The following SPMIP7 variants were observed in gnomAD, a reference collection of about 807,000 sequenced individuals.
The protein encoded by SPMIP7 is sperm microtubule inner protein 7, also known as protein SPMIP7.
At chr7:50,096,295 T>TC in the SPMIP7 span, 4 of 1,551,760 alleles carry the variant, frequency 2.6e-6, no homozygotes, top group African/African-American at 2.7e-5. Flanking sequence ...TTCACCCTTA[T>TC]CCCCCTTCAG....
the SPMIP7 span, among the ~76,000 whole-genome samples, chr7:50,148,623 C>T: frequency 6.6e-6 from 1 of 152,218 alleles, no homozygotes; most frequent in African/African-American, 2.4e-5. Context: ...TTGCCTCATT[C>T]TGGGTTACCT....
chr7:50,151,943 ACATACAT>A, the SPMIP7 span, among the ~76,000 whole-genome samples: 1 of 152,228 alleles, frequency 6.6e-6, no homozygotes, highest in South Asian at 2.1e-4. Flanking sequence ...GACACATGGA[ACATACAT>A]CAGATACATA....
At chr7:50,154,156 C>T in the SPMIP7 span, among the ~76,000 whole-genome samples, 1 of 152,180 alleles carries the variant, frequency 6.6e-6, no homozygotes, top group Non-Finnish European at 1.5e-5. Context: ...ATTATGATGA[C>T]ATATGGGTAT....
the SPMIP7 span, chr7:50,141,300 A>G: frequency 6.4e-7 from 1 of 1,551,390 alleles, no homozygotes; most frequent in Non-Finnish European, 8.7e-7. Context: ...GCAGTCTACA[A>G]ATGCTGATGA....
At chr7:50,151,164 G>A in the SPMIP7 span, among the ~76,000 whole-genome samples, 1 of 152,194 alleles carries the variant, frequency 6.6e-6, no homozygotes, top group African/African-American at 2.4e-5. Flanking sequence ...AGTGAGTCAT[G>A]TTTGTAAAAG....
chr7:50,141,727 CT>C, the SPMIP7 span: 283 of 76,942 alleles, frequency 3.7e-3, 5 homozygotes, highest in South Asian at 0.035. Flanking sequence ...AGAGGAATCA[CT>C]TTTTTTTTTT....
chr7:50,128,861 C>T, the SPMIP7 span, among the ~76,000 whole-genome samples: 44 of 151,968 alleles, frequency 2.9e-4, no homozygotes, highest in African/African-American at 1.1e-3. Flanking sequence ...GCCAGATAAA[C>T]AAAAATATAG....
At chr7:50,098,951 C>A in the SPMIP7 span, among the ~76,000 whole-genome samples, 1 of 152,136 alleles carries the variant, frequency 6.6e-6, no homozygotes, top group South Asian at 2.1e-4. Context: ...CTTCATCTTG[C>A]AAAACTGAAA....
chr7:50,125,105 TATATATATATAC>T, the SPMIP7 span, among the ~76,000 whole-genome samples: 1 of 87,336 alleles, frequency 1.1e-5, no homozygotes, highest in Non-Finnish European at 2.1e-5. Context: ...TATATATATA[TATATATATATAC>T]ACACACACAC....
At chr7:50,126,507 GGGAGTACTTCTCAAACAATTTTA>G in the SPMIP7 span, among the ~76,000 whole-genome samples, 1 of 151,468 alleles carries the variant, frequency 6.6e-6, no homozygotes, top group South Asian at 2.1e-4. Flanking sequence ...AAATAAAAGA[GGGAGTACTTCTCAAACAATTTTA>G]GGAGTCTAAC....
At chr7:50,152,843 C>T in the SPMIP7 span, among the ~76,000 whole-genome samples, 41 of 152,074 alleles carry the variant, frequency 2.7e-4, no homozygotes, top group African/African-American at 4.6e-4. Context: ...TGCACTATCA[C>T]GCCCAGCTAA....
the SPMIP7 span, among the ~76,000 whole-genome samples, chr7:50,145,901 G>A: frequency 2.6e-5 from 4 of 151,590 alleles, no homozygotes; most frequent in South Asian, 2.1e-4. Flanking sequence ...ATCTAAGGAC[G>A]TTACAAGGTT....
chr7:50,130,955 C>G, the SPMIP7 span, among the ~76,000 whole-genome samples: 1 of 152,118 alleles, frequency 6.6e-6, no homozygotes. Flanking sequence ...GGAACCAGAT[C>G]TTGTGGGACA....
At chr7:50,105,421 T>C in the SPMIP7 span, among the ~76,000 whole-genome samples, 1 of 152,202 alleles carries the variant, frequency 6.6e-6, no homozygotes. Flanking sequence ...ATATTTCTTC[T>C]AAAGTTGATC....
At chr7:50,103,105 C>G in the SPMIP7 span, among the ~76,000 whole-genome samples, 5 of 149,706 alleles carry the variant, frequency 3.3e-5, no homozygotes, top group Non-Finnish European at 7.4e-5. Context: ...TGTGATAGAG[C>G]TGCACCAGGG....
At chr7:50,128,013 C>A in the SPMIP7 span, among the ~76,000 whole-genome samples, 2 of 151,976 alleles carry the variant, frequency 1.3e-5, no homozygotes, top group Non-Finnish European at 2.9e-5. Context: ...TATCTGCATT[C>A]CCATGTTTAT....
chr7:50,110,390 A>G, the SPMIP7 span, among the ~76,000 whole-genome samples: 1 of 148,188 alleles, frequency 6.7e-6, no homozygotes, highest in African/African-American at 2.5e-5. Flanking sequence ...ATATTTATTT[A>G]TTACATATTT....
chr7:50,103,357 T>C, the SPMIP7 span, among the ~76,000 whole-genome samples: 2,428 of 152,228 alleles, frequency 0.016, 75 homozygotes, highest in African/African-American at 0.055. Context: ...ACCCCAATTA[T>C]CTTCACCTAT....
At chr7:50,134,910 G>A in the SPMIP7 span, among the ~76,000 whole-genome samples, 9 of 152,050 alleles carry the variant, frequency 5.9e-5, no homozygotes, top group Non-Finnish European at 1.2e-4. Context: ...ACTCCTTGAC[G>A]TGACACAGAC....
Sources: gnomAD v4.1 joint callset for allele counts (sites outside exome capture counted in the v4.1 genomes callset) on GRCh38, gnomAD v4.1.1 for gene constraint, MANE v1.5 for transcripts, NCBI Gene and HGNC (gene_info 2026-07-23, HGNC 2026-07-21) for gene names.